The following TNNI3K variants were observed in gnomAD, a reference collection of about 807,000 sequenced individuals.
TNNI3K encodes TNNI3 interacting kinase.
In TNNI3K, 140 loss-of-function variants were observed where a neutral mutation model predicts 114.5. The observed-to-expected ratio is 1.22, with a 90% CI of 1.07 to 1.41. TNNI3K has a LOEUF of 1.41. Among genes scored for constraint, TNNI3K ranks in the 40% most tolerant of loss-of-function variants. The pLI, the probability that TNNI3K is intolerant of heterozygous loss-of-function variation, is 0.00. For missense variants in TNNI3K, 1,125 were observed against 1,007.6 expected (o/e 1.12, Z -1.58); for synonymous variants, 347 against 347.5 (o/e 1.00, Z 0.02).
intron 23 of TNNI3K, among the ~76,000 whole-genome samples, chr1:74,514,684 C>T (rs1236797914): frequency 3.9e-5 from 6 of 152,180 alleles, no homozygotes; most frequent in African/African-American, 1.4e-4. Context: ...ATCCCAAAGC[C>T]ATGTGTGCTC....
chr1:74,342,404 C>A (rs1353803530), intron 7 of TNNI3K, among the ~76,000 whole-genome samples: 1 of 152,096 alleles, frequency 6.6e-6, no homozygotes, highest in African/African-American at 2.4e-5. Context: ...TGTAAACATA[C>A]AGATTGTGGG....
chr1:74,245,970 T>C (rs1654527208), intron 2 of TNNI3K, among the ~76,000 whole-genome samples: 2 of 152,194 alleles, frequency 1.3e-5, no homozygotes, highest in African/African-American at 4.8e-5. Flanking sequence ...TAAACTCCAG[T>C]GTTTATAAAT....
At chr1:74,296,908 T>C (rs1658024200) in intron 5 of TNNI3K, among the ~76,000 whole-genome samples, 1 of 152,150 alleles carries the variant, frequency 6.6e-6, no homozygotes. Context: ...ATGATTTTCT[T>C]TTTATTTGGA....
chr1:74,384,708 T>G (rs1479740801), intron 17 of TNNI3K, among the ~76,000 whole-genome samples: 1 of 152,150 alleles, frequency 6.6e-6, no homozygotes, highest in African/African-American at 2.4e-5. Flanking sequence ...GAAAAGAGTA[T>G]GTGGGAACTA....
At chr1:74,475,657 T>C (rs1488581063) in intron 21 of TNNI3K, 1 of 716,914 alleles carries the variant, frequency 1.4e-6, no homozygotes, top group Non-Finnish European at 2.6e-6. Flanking sequence ...GCAGTTGCAG[T>C]ATCCCTTAGT....
At chr1:74,470,483 C>T (rs1557586709) in intron 21 of TNNI3K, 1 of 400,518 alleles carries the variant, frequency 2.5e-6, no homozygotes, top group Non-Finnish European at 4.4e-6. Flanking sequence ...TGCCAAACGG[C>T]TTGACTACTA....
At chr1:74,443,912 A>C (rs118074947) in intron 20 of TNNI3K, among the ~76,000 whole-genome samples, 1 of 152,350 alleles carries the variant, frequency 6.6e-6, no homozygotes, top group East Asian at 1.9e-4. Flanking sequence ...CAGAAACCTC[A>C]TGATTATCTC....
intron 20 of TNNI3K, among the ~76,000 whole-genome samples, chr1:74,443,415 T>C (rs1447001961): frequency 6.6e-6 from 1 of 151,712 alleles, no homozygotes; most frequent in Non-Finnish European, 1.5e-5. Flanking sequence ...CTAGAAGAAA[T>C]GGATAAATAC....
chr1:74,257,020 A>G (rs1557454640), intron 4 of TNNI3K, among the ~76,000 whole-genome samples: 1 of 152,144 alleles, frequency 6.6e-6, no homozygotes, highest in Admixed American at 6.5e-5. Flanking sequence ...TCAAATACAT[A>G]TGTTAGATTG....
chr1:74,457,016 A>G (rs796581819), intron 20 of TNNI3K, among the ~76,000 whole-genome samples: 17 of 152,284 alleles, frequency 1.1e-4, no homozygotes, highest in African/African-American at 4.1e-4. Context: ...TTTTCCACAT[A>G]TTATTTGGAC....
rs747722225 is a variant in TNNI3K, at chr1:74,439,593, G to C, written c.1982G>C (p.Gly661Ala). The C allele has an allele frequency of 5.0e-6, 8 of 1,613,336 alleles. No homozygotes were observed. In the Admixed American group the frequency reaches 1.2e-4, roughly 24 times the overall value. ...YALCLWEILT[G>A]EIPFAHLKPA... ...CTGTGTCTGTGGGAAATTCTCACTG[G>C]CGAAATTCCATTCGCTCATCTCAAG... Residue 661 changes from glycine to alanine, a missense_variant, in exon 20 of 25, where the codon GGC (glycine) becomes GCC (alanine). Physicochemically the swap from Gly to Ala is moderately conservative, Grantham distance 60. Transcript: ENST00000326637.
At chr1:74,388,137 G>A (rs1663582689) in intron 17 of TNNI3K, among the ~76,000 whole-genome samples, 1 of 152,114 alleles carries the variant, frequency 6.6e-6, no homozygotes, top group East Asian at 1.9e-4. Context: ...GAGTAGCCAG[G>A]TGTGGTGGCG....
intron 17 of TNNI3K, chr1:74,372,584 A>G (rs1341919412): frequency 6.6e-6 from 1 of 151,928 alleles, no homozygotes. Flanking sequence ...TAACTATTTC[A>G]GACACAGATT....
chr1:74,368,619 A>G (rs1386751713), intron 13 of TNNI3K, among the ~76,000 whole-genome samples: 1 of 151,872 alleles, frequency 6.6e-6, no homozygotes, highest in Admixed American at 6.6e-5. Context: ...ATAATGTGAT[A>G]CGGACTGGAC....
At chr1:74,399,128 G>T (rs1471269223) in intron 17 of TNNI3K, among the ~76,000 whole-genome samples, 2 of 139,874 alleles carry the variant, frequency 1.4e-5, no homozygotes, top group Non-Finnish European at 3.0e-5. Flanking sequence ...CATTGCACTC[G>T]AGCCTGGGCA....
intron 4 of TNNI3K, among the ~76,000 whole-genome samples, chr1:74,261,745 G>A (rs1415441639): frequency 1.3e-5 from 2 of 152,114 alleles, no homozygotes; most frequent in Non-Finnish European, 2.9e-5. Context: ...TGAGAAAGAA[G>A]TAGCATTTTG....
chr1:74,353,413 A>G, intron 10 of TNNI3K, 53 bp downstream of exon 10: 1 of 1,598,558 alleles, frequency 6.3e-7, no homozygotes, highest in Non-Finnish European at 8.5e-7. Context: ...AATGATTAAG[A>G]ATAATGGTAT....
At chr1:74,395,421 C>T (rs1664026518) in intron 17 of TNNI3K, among the ~76,000 whole-genome samples, 1 of 152,130 alleles carries the variant, frequency 6.6e-6, no homozygotes, top group Admixed American at 6.5e-5. Context: ...GCCCAAGTGT[C>T]TTGTCTCCCT....
intron 20 of TNNI3K, among the ~76,000 whole-genome samples, chr1:74,448,260 T>TA (rs71588834): frequency 0.056 from 5,011 of 89,012 alleles, 172 homozygotes; most frequent in African/African-American, 0.12. Flanking sequence ...TAGAGTATAA[T>TA]AAAAAAAAAA....
Sources: gnomAD v4.1 joint callset for allele counts (sites outside exome capture counted in the v4.1 genomes callset) on GRCh38, gnomAD v4.1.1 for gene constraint, MANE v1.5 for transcripts, NCBI Gene and HGNC (gene_info 2026-07-23, HGNC 2026-07-21) for gene names.